The following ZNF227 variants were observed in gnomAD, a reference collection of about 807,000 sequenced individuals.
ZNF227 encodes the protein zinc finger protein 227.
A neutral mutation model predicts 13.2 loss-of-function variants in ZNF227; 12 were observed. The observed-to-expected ratio is 0.91, with a 90% CI of 0.58 to 1.47. The LOEUF (loss-of-function observed/expected upper bound fraction) is 1.47. Ranked by LOEUF, ZNF227 falls within the 40% of genes most tolerant of loss-of-function variation. The pLI is 0.00. For missense variants in ZNF227, 885 were observed against 967.5 expected (o/e 0.91, Z 1.13); for synonymous variants, 338 against 326.0 (o/e 1.04, Z -0.40).
chr19:44,212,336 C>T, upstream of ZNF227, among the ~76,000 whole-genome samples: 1 of 150,354 alleles, frequency 6.7e-6, no homozygotes, highest in East Asian at 2.0e-4. Context: ...TTGTCACACT[C>T]TCCGTAACCC....
In ZNF227 at chr19:44,230,951, A is replaced by ATATATATC. The variant is rs1244386357; in HGVS notation, c.271+1138_271+1139insATATCTAT. 2.9e-4 allele frequency among the ~76,000 whole-genome samples: 38 copies of ATATATATC among 132,704 alleles called. 1 individual carries two copies. The highest frequency in any genetic ancestry group is 1.1e-3 in the African/African-American group (35 of 31,536). 87.1% of individuals were successfully genotyped at this position (132,704 alleles called of 152,430 possible). ...AATATATATATATATATATATATAT[A>ATATATATC]TATCTTAGCCAGGCATGTTAGCATA... On this transcript the variant is annotated intron_variant, in intron 5 of 5. Transcript: ENST00000313040.
intron 3 of ZNF227, among the ~76,000 whole-genome samples, chr19:44,218,113 T>C (rs1426072577): frequency 6.6e-6 from 1 of 152,246 alleles, no homozygotes; most frequent in East Asian, 1.9e-4. Flanking sequence ...CATTTTCCCA[T>C]GTTCCTTTTT....
chr19:44,234,774 C>T lies in ZNF227; in HGVS notation c.344C>T (p.Ser115Phe), dbSNP rs766499481. The change falls in exon 6 of 6, where the codon TCC (serine) becomes TTC (phenylalanine). Residue 115 changes from serine to phenylalanine, a missense_variant. Ser to Phe is a radical substitution (Grantham distance 155). Transcript: ENST00000313040. ...AAATACCTTTCAAATCAAGAGCTGT[C>T]CTGCTGGCAAATCTGGAAACAGGTT... ...ALKYLSNQEL[S>F]CWQIWKQVAS... The T allele has an allele frequency of 4.3e-5, 69 of 1,613,242 alleles. 3 individuals are homozygous for T. The South Asian group carries it at 7.4e-4, about 17-fold the overall frequency.
chr19:44,224,050 T>C (rs1432873452), intron 3 of ZNF227, among the ~76,000 whole-genome samples: 2 of 152,240 alleles, frequency 1.3e-5, no homozygotes, highest in Non-Finnish European at 2.9e-5. Flanking sequence ...AGCAGGTTGT[T>C]CAGTTTCCAT....
Position 44,235,473 on chromosome 19 carries a change from G to C in ZNF227, c.1043G>C (p.Gly348Ala). The C allele has an allele frequency of 1.2e-6, 2 of 1,614,126 alleles. No individual in the cohort carries two copies. The highest frequency in any genetic ancestry group is 1.7e-6 in the Non-Finnish European group (2 of 1,180,040). The change falls in exon 6 of 6, where the codon GGA becomes GCA. Residue 348 changes from glycine to alanine, a missense_variant. Transcript: ENST00000313040. ...ATCATTCATTACAGAACTCATACTG[G>C]AGAGAAACCCTATAAATGCGAGGAA... is the stretch of plus-strand genomic sequence containing the variant. ...GLIIHYRTHT[G>A]EKPYKCEECG... is the part of the protein sequence containing the mutation.
intron 3 of ZNF227, among the ~76,000 whole-genome samples, chr19:44,224,826 A>C (rs1253514403): frequency 1.3e-5 from 2 of 152,042 alleles, no homozygotes; most frequent in Non-Finnish European, 2.9e-5. Flanking sequence ...TTAGCTGGTT[A>C]TTTTGCTCGT....
At chr19:44,230,929 AT>A (rs1973749200) in intron 5 of ZNF227, among the ~76,000 whole-genome samples, 3,110 of 70,256 alleles carry the variant, frequency 0.044, 81 homozygotes, top group Non-Finnish European at 0.069. Context: ...AAAAAAAAAT[AT>A]ATATATATAT....
chr19:44,215,988 CT>C (rs1971838892), intron 2 of ZNF227, among the ~76,000 whole-genome samples: 2 of 61,328 alleles, frequency 3.3e-5, no homozygotes, highest in Non-Finnish European at 4.7e-5. Context: ...AACTCTCTCT[CT>C]AAAAAAAAAA....
Position 44,237,159 on chromosome 19 carries a change from G to T in ZNF227, c.*329G>T. On this transcript the variant is annotated 3_prime_UTR_variant, in exon 6 of 6. Coordinates refer to ENST00000313040, the MANE Select transcript of ZNF227 (RefSeq NM_182490.3). ...TGGTTTTTTGGCCAGGGAGAGTTTTGGGTTATTATCCCTTTTCTTTAATTT... is the reference window on the plus strand; with the variant it reads ...TGGTTTTTTGGCCAGGGAGAGTTTTTGGTTATTATCCCTTTTCTTTAATTT... 1 of 216,032 alleles carries T rather than the reference G, an allele frequency of 4.6e-6. No individual in the cohort carries two copies. Among genetic ancestry groups the T allele is most frequent in the Non-Finnish European group, 9.1e-6 (1 of 109,644 alleles). The allele number at this position is 216,032 out of a possible 1,614,324, so 13.4% of individuals were successfully genotyped here. A position where few individuals can be genotyped will look rare whatever the true frequency, so the allele number is the denominator to read the frequency against.
At chr19:44,211,728 C>T (rs1971375286), upstream of ZNF227, among the ~76,000 whole-genome samples, 1 of 151,366 alleles carries the variant, frequency 6.6e-6, no homozygotes, top group Non-Finnish European at 1.5e-5. Context: ...TTTTTGATTG[C>T]TCTTTCATTC....
rs772927424 is a variant in ZNF227 at position 44,229,767 on chromosome 19, A to G, written c.222A>G (p.Gln74=). 1.6e-5 allele frequency: 26 copies of G among 1,592,298 alleles called. No individual in the cohort carries two copies. In the East Asian group the frequency reaches 2.7e-4, roughly 16 times the overall value. The change falls in exon 5 of 6, where the codon CAA becomes CAG. Residue 74 remains glutamine, a synonymous_variant. Coordinates refer to ENST00000313040, the MANE Select transcript of ZNF227 (RefSeq NM_182490.3). The stretch of plus-strand genomic sequence containing the variant: ...CCTTCCAACCAGATATGGTATCCCA[A>G]TTGGAAGCAGAAGAAAAGCTTTGGA... ...HLPFQPDMVS[Q]LEAEEKLWMM... is the part of the protein sequence containing the mutation.
chr19:44,236,563 G>T lies in ZNF227; in HGVS notation c.2133G>T (p.Thr711=). 1 of 1,613,482 alleles carries T rather than the reference G, an allele frequency of 6.2e-7. No individual in the cohort carries two copies. Among genetic ancestry groups the T allele is most frequent in the South Asian group, 1.1e-5 (1 of 91,048 alleles). Residue 711 remains threonine (T), a synonymous_variant, in exon 6 of 6, where the codon ACG becomes ACT. Transcript: ENST00000313040. ...TTCGCCATCATCAGAGGGTCCACAC[G>T]GGAGAGAAACCCCATATATGTGAGG... is the stretch of plus-strand genomic sequence containing the variant. ...LNLRHHQRVH[T]GEKPHICEEC... is the part of the protein sequence containing the mutation.
chr19:44,234,257 A>G (rs995791043), intron 5 of ZNF227, among the ~76,000 whole-genome samples: 3 of 152,224 alleles, frequency 2.0e-5, no homozygotes, highest in East Asian at 3.8e-4. Flanking sequence ...AATAATTTCT[A>G]TCAGGATCTA....
intron 2 of ZNF227, among the ~76,000 whole-genome samples, chr19:44,214,374 CTTTTTT>C (rs918025743): frequency 6.7e-6 from 1 of 148,704 alleles, no homozygotes; most frequent in Non-Finnish European, 1.5e-5. Context: ...TTTCTTTTTT[CTTTTTT>C]TTTCTTTTTT....
At chr19:44,220,445 TTTCC>T (rs1403486767) in intron 3 of ZNF227, among the ~76,000 whole-genome samples, 3 of 150,934 alleles carry the variant, frequency 2.0e-5, no homozygotes, top group African/African-American at 7.4e-5. Context: ...GCACCTGTTG[TTTCC>T]TTTTTTTTTT....
intron 5 of ZNF227, among the ~76,000 whole-genome samples, chr19:44,230,923 AAAAAT>A (rs1356156262): frequency 3.9e-4 from 45 of 114,672 alleles, no homozygotes; most frequent in Admixed American, 7.6e-4. Context: ...AAAAAAAAAA[AAAAAT>A]ATATATATAT....
chr19:44,233,896 T>TA (rs145537878), intron 5 of ZNF227, among the ~76,000 whole-genome samples: 6,265 of 150,352 alleles, frequency 0.042, 189 homozygotes, highest in South Asian at 0.083. Context: ...CGCTGTTTTT[T>TA]AAAAAAAAAA....
In ZNF227 at chr19:44,221,390, T is replaced by A. The variant is rs536095408; in HGVS notation, c.60+3538T>A. Among the ~76,000 whole-genome samples, 31 of 152,300 alleles carry A rather than the reference T, an allele frequency of 2.0e-4. No homozygotes were observed. In the South Asian group the frequency reaches 6.4e-3, roughly 32 times the overall value. ...TACAGTCGCACCAGCAGTGTAAAAGTGTTCCTGTTTCTCCACATCCTCTCC... is the reference window on the plus strand; with the variant it reads ...TACAGTCGCACCAGCAGTGTAAAAGAGTTCCTGTTTCTCCACATCCTCTCC... On this transcript the variant is annotated intron_variant, in intron 3 of 5. Coordinates refer to ENST00000313040, the MANE Select transcript of ZNF227 (RefSeq NM_182490.3).
rs770029398 is a variant in ZNF227, at chr19:44,217,835, A to G, written c.43A>G (p.Lys15Glu). ...TGACCTTCCCCAGAAGAAGCAGGAG[A>G]AAATGACCAAGTTTCAGGTACGTAA... ...NYDLPQKKQE[K>E]MTKFQEAVTF... The change falls in exon 3 of 6, where the codon AAA (lysine) becomes GAA (glutamate). Residue 15 changes from lysine (K) to glutamate (E), a missense_variant. Physicochemically the swap from Lys to Glu is moderately conservative, Grantham distance 56. Coordinates refer to ENST00000313040, the MANE Select transcript of ZNF227 (RefSeq NM_182490.3). 6.2e-7 allele frequency: 1 copy of G among 1,614,230 alleles called. No homozygotes were observed. The highest frequency in any genetic ancestry group is 1.1e-5 in the South Asian group (1 of 91,090).
Sources: allele counts gnomAD v4.1 joint callset (sites outside exome capture counted in the v4.1 genomes callset), GRCh38; gene constraint gnomAD v4.1.1; transcripts MANE v1.5; gene names NCBI Gene and HGNC (gene_info 2026-07-23, HGNC 2026-07-21).